UBXN7: variants seen among roughly 807,000 people sequenced by gnomAD.
UBXN7 encodes UBX domain protein 7, also known as UBX domain-containing protein 7.
Under a neutral mutation model 58.0 loss-of-function variants are expected in UBXN7, and 9 were observed. That is an observed-to-expected ratio of 0.16 (90% CI 0.09 to 0.27). UBXN7 has a LOEUF of 0.27. UBXN7 is among the 10% of genes least tolerant of loss of function. UBXN7 has a pLI of 1.00. For missense variants in UBXN7, 328 were observed against 599.6 expected (o/e 0.55, Z 4.73); for synonymous variants, 208 against 205.0 (o/e 1.01, Z -0.12).
At chr3:196,401,442 C>T (rs1333999933) in intron 3 of UBXN7, among the ~76,000 whole-genome samples, 1 of 150,342 alleles carries the variant, frequency 6.7e-6, no homozygotes, top group East Asian at 1.9e-4. Flanking sequence ...TTTTATTCAT[C>T]CTTTTGTTAC....
At chr3:196,387,828 C>T (rs950348839) in intron 5 of UBXN7, among the ~76,000 whole-genome samples, 3 of 152,084 alleles carry the variant, frequency 2.0e-5, no homozygotes, top group African/African-American at 4.8e-5. Context: ...AATAGGGACG[C>T]TTTTACACTG....
Position 196,348,230 on chromosome 3 carries a change from T to TTA in UBXN7, c.*8454_*8455insTA, listed in dbSNP as rs1728130591. 1 of 152,006 alleles carries TTA rather than the reference T, an allele frequency of 6.6e-6. No individual in the cohort carries two copies. The highest frequency in any genetic ancestry group is 6.6e-5 in the Admixed American group (1 of 15,234). The allele number at this position is 152,006 out of a possible 1,614,324, so 9.4% of individuals were successfully genotyped here. A position where few individuals can be genotyped will look rare whatever the true frequency, so the allele number is the denominator to read the frequency against. On this transcript the variant is annotated 3_prime_UTR_variant, in exon 11 of 11. Transcript: ENST00000296328. ...ACTAGATATACAGGAGGGTCTCTAA[T>TTA]GTGTCTTGAACAAAAAAATTTAGTG...
At chr3:196,392,452 C>T (rs1729616917) in intron 4 of UBXN7, among the ~76,000 whole-genome samples, 2 of 151,546 alleles carry the variant, frequency 1.3e-5, no homozygotes, top group Admixed American at 1.3e-4. Flanking sequence ...TTGCAGTGAG[C>T]AGAGATCGCG....
chr3:196,432,044 C>T, intron 1 of UBXN7: 2 of 564,122 alleles, frequency 3.5e-6, no homozygotes, highest in Non-Finnish European at 6.4e-6. Context: ...CCGGCGGGGG[C>T]GGACGGACTC....
intron 3 of UBXN7, among the ~76,000 whole-genome samples, chr3:196,398,314 GTTT>G (rs1269152605): frequency 6.6e-6 from 1 of 152,090 alleles, no homozygotes; most frequent in Non-Finnish European, 1.5e-5. Context: ...ACAAACGTTT[GTTT>G]TTTTCAGGCA....
chr3:196,432,388 G>A lies in UBXN7; in HGVS notation c.12C>T (p.His4=), dbSNP rs1409522202. The A allele has an allele frequency of 2.5e-6, 4 of 1,594,050 alleles. No individual in the cohort carries two copies. The African/African-American group carries it at 4.0e-5, about 16-fold the overall frequency. ...GCGCCGAGGACGCCGCGGAGCCCCC[G>A]TGGGCAGCCATCTTACCGCCGCCGC... The part of the protein sequence containing the change: MAA[H]GGSAASSALK... Residue 4 remains histidine (H), a synonymous_variant, in exon 1 of 11, where the codon CAC becomes CAT. Transcript: ENST00000296328.
chr3:196,378,576 G>A (rs1293024606), intron 5 of UBXN7, among the ~76,000 whole-genome samples: 1 of 152,206 alleles, frequency 6.6e-6, no homozygotes, highest in African/African-American at 2.4e-5. Context: ...GATTACTTAT[G>A]AGTTTTCCAG....
At chr3:196,372,106 G>C in intron 5 of UBXN7, 64 bp from the exon 6 acceptor site, 1 of 1,512,462 alleles carries the variant, frequency 6.6e-7, no homozygotes, top group Non-Finnish European at 8.9e-7. Flanking sequence ...TGTTTCCGTA[G>C]TTGTTCAGAG....
chr3:196,372,328 T>TCTCTCTCTCTCTCTCTC (rs1173128048), intron 5 of UBXN7, among the ~76,000 whole-genome samples: 4 of 103,944 alleles, frequency 3.8e-5, no homozygotes, highest in Non-Finnish European at 8.9e-5. Context: ...CTCTCTCTCC[T>TCTCTCTCTCTCTCTCTC]TTCTTTCTTT....
intron 5 of UBXN7, among the ~76,000 whole-genome samples, chr3:196,379,618 A>G (rs1205508871): frequency 6.6e-6 from 1 of 152,210 alleles, no homozygotes; most frequent in Non-Finnish European, 1.5e-5. Context: ...TTCAGAGTAG[A>G]GAGGACCTCA....
intron 8 of UBXN7, among the ~76,000 whole-genome samples, chr3:196,367,602 CAAAACAA>C (rs1489797079): frequency 2.6e-5 from 4 of 152,090 alleles, no homozygotes; most frequent in Non-Finnish European, 5.9e-5. Context: ...GATCCCACTC[CAAAACAA>C]AAAACAAAAC....
At chr3:196,370,670 G>GA (rs1728798540) in intron 6 of UBXN7, among the ~76,000 whole-genome samples, 1 of 151,340 alleles carries the variant, frequency 6.6e-6, no homozygotes, top group South Asian at 2.1e-4. Flanking sequence ...TACAGTAGGG[G>GA]AAAAAATTAA....
chr3:196,359,889 G>C (rs1371973504), intron 10 of UBXN7, among the ~76,000 whole-genome samples: 2 of 150,842 alleles, frequency 1.3e-5, no homozygotes, highest in East Asian at 3.9e-4. Context: ...CTGGGTGACA[G>C]AGCAAGACTC....
At chr3:196,420,751 C>T (rs953162379) in intron 1 of UBXN7, among the ~76,000 whole-genome samples, 10 of 152,120 alleles carry the variant, frequency 6.6e-5, no homozygotes, top group African/African-American at 2.4e-4. Flanking sequence ...AAACGGCCTT[C>T]CTTAACCCAG....
intron 6 of UBXN7, among the ~76,000 whole-genome samples, chr3:196,371,350 T>A (rs1560221807): frequency 6.6e-6 from 1 of 152,248 alleles, no homozygotes; most frequent in African/African-American, 2.4e-5. Flanking sequence ...GTTATATAGA[T>A]ATATTGATTT....
At chr3:196,422,535 C>A (rs1467560023) in intron 1 of UBXN7, among the ~76,000 whole-genome samples, 2 of 151,450 alleles carry the variant, frequency 1.3e-5, no homozygotes, top group African/African-American at 4.9e-5. Flanking sequence ...GAATGCAGAA[C>A]AACTGGAACT....
intron 7 of UBXN7, among the ~76,000 whole-genome samples, chr3:196,368,917 G>A (rs1018028957): frequency 6.6e-6 from 1 of 152,042 alleles, no homozygotes; most frequent in African/African-American, 2.4e-5. Flanking sequence ...CCACCTCCCG[G>A]GTTCAGGCCA....
At chr3:196,398,884 G>A (rs1010181638) in intron 3 of UBXN7, among the ~76,000 whole-genome samples, 10 of 152,040 alleles carry the variant, frequency 6.6e-5, no homozygotes, top group African/African-American at 2.2e-4. Context: ...CAATCCTCCC[G>A]CCTCAGCCTC....
chr3:196,414,989 T>C (rs1730436787), intron 1 of UBXN7, among the ~76,000 whole-genome samples: 1 of 152,180 alleles, frequency 6.6e-6, no homozygotes, highest in Non-Finnish European at 1.5e-5. Flanking sequence ...CAACCTTATG[T>C]AACTAAATAC....
Sources: gnomAD v4.1 joint callset for allele counts (sites outside exome capture counted in the v4.1 genomes callset) on GRCh38, gnomAD v4.1.1 for gene constraint, MANE v1.5 for transcripts, NCBI Gene and HGNC (gene_info 2026-07-23, HGNC 2026-07-21) for gene names.